Variants in PIK3C2G observed in about 807,000 individuals in gnomAD.
The protein encoded by PIK3C2G is phosphatidylinositol 3-kinase C2 domain-containing subunit gamma.
A neutral mutation model predicts 181.1 loss-of-function variants in PIK3C2G; 168 were observed. That is an observed-to-expected ratio of 0.93 (90% CI 0.82 to 1.05). The LOEUF (loss-of-function observed/expected upper bound fraction) is 1.05. Among genes scored for constraint, PIK3C2G ranks in the 50% least tolerant of loss-of-function variants. PIK3C2G has a pLI of 0.00. For missense variants in PIK3C2G, 1,869 were observed against 1,732.8 expected, an observed-to-expected ratio of 1.08 and a Z score of -1.40; for synonymous variants, 573 against 592.2, an observed-to-expected ratio of 0.97 and a Z score of 0.47.
At chr12:18,462,950 A>G (rs1948001333) in intron 18 of PIK3C2G, among the ~76,000 whole-genome samples, 1 of 152,186 alleles carries the variant, frequency 6.6e-6, no homozygotes, top group African/African-American at 2.4e-5. Flanking sequence ...TAAGTGCTAT[A>G]ATTTATAAAA....
intron 24 of PIK3C2G, among the ~76,000 whole-genome samples, chr12:18,513,954 T>C (rs1237807487): frequency 6.6e-6 from 1 of 151,810 alleles, no homozygotes; most frequent in Non-Finnish European, 1.5e-5. Flanking sequence ...TGCTTATTTG[T>C]GATTTTTCTT....
At chr12:18,349,721 G>A (rs1592027100) in intron 11 of PIK3C2G, among the ~76,000 whole-genome samples, 6 of 152,010 alleles carry the variant, frequency 3.9e-5, no homozygotes, top group Non-Finnish European at 7.4e-5. Flanking sequence ...TTATCGTTTT[G>A]TGTATGTATT....
intron 10 of PIK3C2G, among the ~76,000 whole-genome samples, chr12:18,344,487 A>C (rs74070246): frequency 0.022 from 3,410 of 152,220 alleles, 149 homozygotes; most frequent in African/African-American, 0.079. Flanking sequence ...AGGAATGGAC[A>C]CTTCCTGACA....
At chr12:18,583,822 T>A (rs549203041) in intron 29 of PIK3C2G, among the ~76,000 whole-genome samples, 2 of 151,894 alleles carry the variant, frequency 1.3e-5, no homozygotes, top group East Asian at 3.9e-4. Flanking sequence ...AGTTATGTCC[T>A]CCAAATGACT....
intron 32 of PIK3C2G, 129 bp from the exon 33 acceptor site, chr12:18,647,747 T>C: frequency 2.4e-6 from 1 of 425,332 alleles, no homozygotes; most frequent in Non-Finnish European, 4.0e-6. Context: ...TAAAAGAGTC[T>C]GACATTAACC....
intron 24 of PIK3C2G, among the ~76,000 whole-genome samples, chr12:18,523,586 T>C (rs566020079): frequency 4.6e-5 from 7 of 152,232 alleles, no homozygotes; most frequent in Non-Finnish European, 8.8e-5. Context: ...TGTTCATTTC[T>C]AGGATTGGGT....
chr12:18,657,103 C>A, the PIK3C2G span, among the ~76,000 whole-genome samples: 131 of 152,096 alleles, frequency 8.6e-4, no homozygotes, highest in African/African-American at 3.1e-3. Context: ...TTTATTTTAA[C>A]GAACTCAAAT....
At chr12:18,310,914 T>C (rs2137380070) in intron 5 of PIK3C2G, among the ~76,000 whole-genome samples, 1 of 152,082 alleles carries the variant, frequency 6.6e-6, no homozygotes, top group Non-Finnish European at 1.5e-5. Context: ...ATGACTAAAA[T>C]AAGATAGTCT....
rs535304994 is a variant in PIK3C2G at position 18,490,948 on chromosome 12, T to C, written c.2686-503T>C. ...CAGTAAACTATTTGTTCCTACATAT[T>C]ATCATTTCTGACAGCATTATGCAAT... is the stretch of plus-strand genomic sequence containing the variant. On this transcript the variant is annotated intron_variant, in intron 19 of 32. Coordinates refer to ENST00000538779, the MANE Select transcript of PIK3C2G (RefSeq NM_001288772.2). Among the ~76,000 whole-genome samples the C allele has an allele frequency of 2.8e-4, 43 of 152,334 alleles. No individual in the cohort carries two copies. The Middle Eastern group carries it at 0.01, about 36-fold the overall frequency.
chr12:18,404,423 G>A (rs1346103623), intron 16 of PIK3C2G, among the ~76,000 whole-genome samples: 2 of 152,150 alleles, frequency 1.3e-5, no homozygotes, highest in Non-Finnish European at 2.9e-5. Context: ...TATAGGGAGA[G>A]ACTCAAGCTA....
intron 16 of PIK3C2G, among the ~76,000 whole-genome samples, chr12:18,419,319 C>T (rs943202209): frequency 6.6e-6 from 1 of 152,100 alleles, no homozygotes; most frequent in African/African-American, 2.4e-5. Flanking sequence ...GAAGCATGGG[C>T]GACTGATAGC....
At chr12:18,287,485 G>A (rs1949497453) in intron 3 of PIK3C2G, among the ~76,000 whole-genome samples, 1 of 152,142 alleles carries the variant, frequency 6.6e-6, no homozygotes, top group Non-Finnish European at 1.5e-5. Flanking sequence ...CCTTCTTTAA[G>A]GCAAATTTCA....
chr12:18,446,361 T>G (rs534711876), intron 18 of PIK3C2G, among the ~76,000 whole-genome samples: 100 of 152,206 alleles, frequency 6.6e-4, no homozygotes, highest in African/African-American at 2.4e-3. Context: ...AGCAGGAGAT[T>G]ACAGGGAAAA....
upstream of PIK3C2G, among the ~76,000 whole-genome samples, chr12:18,243,562 G>A (rs141085958): frequency 6.6e-6 from 1 of 152,072 alleles, no homozygotes; most frequent in African/African-American, 2.4e-5. Context: ...ATTATCAAGT[G>A]CAGTTGAAAA....
At chr12:18,264,163 A>G (rs1047278654) in intron 1 of PIK3C2G, among the ~76,000 whole-genome samples, 2 of 152,170 alleles carry the variant, frequency 1.3e-5, no homozygotes, top group African/African-American at 4.8e-5. Context: ...TTCTTCAAAA[A>G]TCAAAATTTA....
chr12:18,490,751 T>C (rs1433415138), intron 19 of PIK3C2G, among the ~76,000 whole-genome samples: 1 of 152,204 alleles, frequency 6.6e-6, no homozygotes, highest in South Asian at 2.1e-4. Flanking sequence ...ATCATGCATA[T>C]GTGAAAGTGG....
intron 8 of PIK3C2G, among the ~76,000 whole-genome samples, chr12:18,331,742 G>A (rs1448641275): frequency 6.6e-6 from 1 of 151,990 alleles, no homozygotes; most frequent in African/African-American, 2.4e-5. Flanking sequence ...GCTATTTTGA[G>A]GGAGAACTTT....
chr12:18,325,706 CAAAA>C (rs34711642), intron 8 of PIK3C2G, among the ~76,000 whole-genome samples: 1 of 61,614 alleles, frequency 1.6e-5, no homozygotes, highest in Non-Finnish European at 3.6e-5. Flanking sequence ...GACTCAGTCT[CAAAA>C]AAAAAAAAAA....
chr12:18,462,198 T>G (rs147023365), intron 18 of PIK3C2G, among the ~76,000 whole-genome samples: 1 of 152,302 alleles, frequency 6.6e-6, no homozygotes, highest in East Asian at 1.9e-4. Flanking sequence ...GCAAGTTACT[T>G]TCATTTCTTC....
Sources: gnomAD v4.1 joint callset for allele counts (sites outside exome capture counted in the v4.1 genomes callset) on GRCh38, gnomAD v4.1.1 for gene constraint, MANE v1.5 for transcripts, NCBI Gene and HGNC (gene_info 2026-07-23, HGNC 2026-07-21) for gene names.